The following YY1 variants were observed in gnomAD, a reference collection of about 807,000 sequenced individuals.
YY1 encodes YY1 transcription factor, also known as transcriptional repressor protein YY1.
Under a neutral mutation model 35.6 loss-of-function variants are expected in YY1, and 2 were observed. The ratio of observed to expected loss-of-function variants is 0.06; its 90% CI spans 0.02 to 0.18. The LOEUF is 0.18. Among genes scored for constraint, YY1 ranks in the 10% least tolerant of loss-of-function variants. YY1 has a pLI of 1.00. For synonymous variants in YY1, 268 were observed against 238.9 expected (o/e 1.12, Z -1.12); for missense variants, 322 against 573.4 (o/e 0.56, Z 4.48).
At chr14:100,249,313 G>T (rs907437355) in intron 1 of YY1, among the ~76,000 whole-genome samples, 2 of 151,656 alleles carry the variant, frequency 1.3e-5, no homozygotes, top group African/African-American at 4.8e-5. Flanking sequence ...TAGAGATGGG[G>T]TTGCACCATG....
intron 1 of YY1, among the ~76,000 whole-genome samples, chr14:100,260,768 G>T (rs1181640121): frequency 8.7e-6 from 1 of 114,730 alleles, no homozygotes; most frequent in Non-Finnish European, 1.8e-5. Flanking sequence ...ACCGTGCCTG[G>T]TCCTTTTTTT....
chr14:100,259,150 T>G (rs930950020), intron 1 of YY1, among the ~76,000 whole-genome samples: 5 of 152,216 alleles, frequency 3.3e-5, no homozygotes, highest in African/African-American at 1.2e-4. Context: ...CAGTTAGCCT[T>G]GAAAATTTCG....
chr14:100,272,295 C>CAA (rs11314810), intron 2 of YY1, among the ~76,000 whole-genome samples: 2 of 128,682 alleles, frequency 1.6e-5, no homozygotes, highest in African/African-American at 2.8e-5. Flanking sequence ...GACTCTGTCT[C>CAA]AAAAAAAAAA....
intron 1 of YY1, 31 bp downstream of exon 1, chr14:100,239,954 G>T: frequency 6.6e-7 from 1 of 1,509,718 alleles, no homozygotes; most frequent in Non-Finnish European, 8.8e-7. Flanking sequence ...CCGGCCCCGG[G>T]ATGTTTTTGT....
At chr14:100,240,207 G>A (rs1256033979) in intron 1 of YY1, among the ~76,000 whole-genome samples, 1 of 145,488 alleles carries the variant, frequency 6.9e-6, no homozygotes, top group Non-Finnish European at 1.5e-5. Flanking sequence ...GACGGCCGGG[G>A]GAGGGGCCGG....
In YY1 at chr14:100,257,241, C is replaced by G. The variant is rs569070448; in HGVS notation, c.680-5063C>G. 6.6e-5 allele frequency among the ~76,000 whole-genome samples: 10 copies of G among 152,300 alleles called. No individual in the cohort carries two copies. In the East Asian group the frequency reaches 1.9e-3, roughly 29 times the overall value. On this transcript the variant is annotated intron_variant, in intron 1 of 4. Coordinates refer to ENST00000262238, the MANE Select transcript of YY1 (RefSeq NM_003403.5). ...AAGAAGTATTTCCTCATTTGACTTCCCTCACTAGACTGTAAGTTCCTTGAG... is the reference window on the plus strand; with the variant it reads ...AAGAAGTATTTCCTCATTTGACTTCGCTCACTAGACTGTAAGTTCCTTGAG...
At chr14:100,275,438 T>C (rs1891304153) in intron 3 of YY1, among the ~76,000 whole-genome samples, 2 of 152,224 alleles carry the variant, frequency 1.3e-5, no homozygotes, top group Admixed American at 6.5e-5. Flanking sequence ...TCCTGTTCTT[T>C]GTCAGCGTTC....
chr14:100,277,218 C>T lies in YY1; in HGVS notation c.1063-200C>T, dbSNP rs35788933. The T allele has an allele frequency of 0.3, 196,088 of 662,940 alleles. 32,189 individuals carry two copies. Among genetic ancestry groups the T allele is most frequent in the South Asian group, 0.47 (27,140 of 57,514 alleles). The allele number at this position is 662,940 out of a possible 1,614,324, so 41.1% of individuals were successfully genotyped here. The stretch of plus-strand genomic sequence containing the variant: ...ATTTTGCCAAGTGTTTTAAACAGTT[C>T]GTGAGGGCTCTCCTTGGGTTTTCGG... On this transcript the variant is annotated intron_variant, in intron 4 of 4. Transcript: ENST00000262238. This position sits in a 1 kb window ranked among gnomAD's most constrained non-coding sequence, Gnocchi z 5.6.
chr14:100,244,353 G>T (rs1890798960), intron 1 of YY1, among the ~76,000 whole-genome samples: 1 of 117,166 alleles, frequency 8.5e-6, no homozygotes, highest in Non-Finnish European at 1.6e-5. Context: ...TGAGACAGGG[G>T]TCTCACTCTG....
Position 100,272,570 on chromosome 14 carries a change from A to C in YY1, c.843-2128A>C, listed in dbSNP as rs983990848. ...TCACAGAATTAATTTTTTTTTAAGG[A>C]GTATTTTTTTTGTAACAAAAGAGTG... On this transcript the variant is annotated intron_variant, in intron 2 of 4. Transcript: ENST00000262238. 3.3e-5 allele frequency among the ~76,000 whole-genome samples: 5 copies of C among 151,944 alleles called. No homozygotes were observed. The East Asian group carries it at 7.7e-4, about 23-fold the overall frequency.
intron 2 of YY1, among the ~76,000 whole-genome samples, chr14:100,265,569 C>G (rs1208631340): frequency 3.9e-5 from 6 of 151,966 alleles, no homozygotes; most frequent in African/African-American, 1.5e-4. Flanking sequence ...CACCTCAAGT[C>G]CAACATGGAT....
At chr14:100,259,252 G>T (rs1194303947) in intron 1 of YY1, among the ~76,000 whole-genome samples, 1 of 152,088 alleles carries the variant, frequency 6.6e-6, no homozygotes, top group African/African-American at 2.4e-5. Context: ...GGCAAGACCC[G>T]CCAGGCACTG....
chr14:100,255,112 A>C (rs940707832), intron 1 of YY1, among the ~76,000 whole-genome samples: 1 of 150,488 alleles, frequency 6.6e-6, no homozygotes, highest in Non-Finnish European at 1.5e-5. Flanking sequence ...ATTTTCTTAT[A>C]TTTTCTTGTT....
rs1891334146 is a variant in YY1, at chr14:100,277,209, T to C, written c.1063-209T>C. 2 of 636,290 alleles carry C rather than the reference T, an allele frequency of 3.1e-6. No individual in the cohort carries two copies. Among genetic ancestry groups the C allele is most frequent in the African/African-American group, 3.6e-5 (2 of 54,852 alleles). 39.4% of individuals were successfully genotyped at this position (636,290 alleles called of 1,614,324 possible). On this transcript the variant is annotated intron_variant, in intron 4 of 4. Transcript: ENST00000262238. The surrounding 1 kb of genome is among the most constrained non-coding windows in gnomAD (Gnocchi z 5.6). The stretch of plus-strand genomic sequence containing the variant: ...AGACTTGCCATTTTGCCAAGTGTTT[T>C]AAACAGTTCGTGAGGGCTCTCCTTG...
intron 1 of YY1, among the ~76,000 whole-genome samples, chr14:100,242,113 A>G (rs889399344): frequency 1.3e-5 from 2 of 152,130 alleles, no homozygotes; most frequent in Non-Finnish European, 1.5e-5. Context: ...CACAAAAGTA[A>G]ATTTACTTTT....
rs115731817 is a variant in YY1, at chr14:100,251,369, C to T, written c.680-10935C>T. On this transcript the variant is annotated intron_variant, in intron 1 of 4. Coordinates refer to ENST00000262238, the MANE Select transcript of YY1 (RefSeq NM_003403.5). ...TAGAATATGTGAGGGACCAGATTCT[C>T]CACTAAAGCTGCCAGAAGGAACCCA... Among the ~76,000 whole-genome samples, 1,382 of 152,308 alleles carry T rather than the reference C, an allele frequency of 9.1e-3. 17 individuals are homozygous for T. The highest frequency in any genetic ancestry group is 0.032 in the African/African-American group (1,319 of 41,568).
At chr14:100,275,033 T>C (rs1263683457) in intron 3 of YY1, among the ~76,000 whole-genome samples, 1 of 152,222 alleles carries the variant, frequency 6.6e-6, no homozygotes, top group African/African-American at 2.4e-5. Flanking sequence ...TATTAACAAG[T>C]CCGTCTTAAG....
In YY1 at chr14:100,239,933, G is replaced by A; in HGVS notation, c.679+10G>A. ...ACCATGTGGTCCTCAGGTGAGCGCC[G>A]GCCGCGCGCCCCGGCCCCGGGATGT... On this transcript the variant is annotated intron_variant, in intron 1 of 4. Coordinates refer to ENST00000262238, the MANE Select transcript of YY1 (RefSeq NM_003403.5). The A allele has an allele frequency of 1.3e-6, 2 of 1,517,862 alleles. No homozygotes were observed. Among genetic ancestry groups the A allele is most frequent in the Non-Finnish European group, 1.8e-6 (2 of 1,135,358 alleles). The allele number at this position is 1,517,862 out of a possible 1,614,324, so 94.0% of individuals were successfully genotyped here.
intron 1 of YY1, among the ~76,000 whole-genome samples, chr14:100,250,613 C>T (rs2139575792): frequency 6.6e-6 from 1 of 152,166 alleles, no homozygotes; most frequent in African/African-American, 2.4e-5. Context: ...TAAAATGTTT[C>T]TTAGGAATGA....
Sources: allele counts gnomAD v4.1 joint callset (sites outside exome capture counted in the v4.1 genomes callset), GRCh38; gene constraint gnomAD v4.1.1; non-coding constraint Gnocchi (gnomAD v3.1); transcripts MANE v1.5; gene names NCBI Gene and HGNC (gene_info 2026-07-23, HGNC 2026-07-21).